The following LRTM3 variants were observed in gnomAD, a reference collection of about 807,000 sequenced individuals.
LRTM3 encodes leucine rich repeat transmembrane protein 3.
chr13:102,737,544 C>A, the LRTM3 span: 47 of 1,550,678 alleles, frequency 3.0e-5, no homozygotes, highest in East Asian at 1.1e-3. Flanking sequence ...TTCCCTTGCT[C>A]CTGGCCTTCT....
chr13:102,738,030 G>A, the LRTM3 span: 1 of 1,549,970 alleles, frequency 6.5e-7, no homozygotes, highest in Non-Finnish European at 8.7e-7. Flanking sequence ...ACCTTTTCTT[G>A]TCCTGCACCT....
the LRTM3 span, chr13:102,733,310 A>G: frequency 6.4e-7 from 1 of 1,551,368 alleles, no homozygotes; most frequent in Non-Finnish European, 8.7e-7. Context: ...GGGAGAAAAC[A>G]TTTTGCTGAT....
the LRTM3 span, among the ~76,000 whole-genome samples, chr13:102,755,901 A>ATGTGTGTGTG: frequency 4.0e-5 from 4 of 98,840 alleles, no homozygotes; most frequent in Admixed American, 1.1e-4. Flanking sequence ...ACACATATAT[A>ATGTGTGTGTG]TGTGTGTGTG....
chr13:102,754,081 C>T, the LRTM3 span, among the ~76,000 whole-genome samples: 5 of 151,940 alleles, frequency 3.3e-5, no homozygotes, highest in Non-Finnish European at 5.9e-5. Flanking sequence ...TGGCATGCAC[C>T]TGTAGACCCA....
chr13:102,739,049 A>G, the LRTM3 span: 3 of 1,550,498 alleles, frequency 1.9e-6, no homozygotes, highest in South Asian at 2.4e-5. Context: ...TGATGATGAA[A>G]GACAGAATCT....
At chr13:102,734,101 G>A in the LRTM3 span, 1 of 1,551,402 alleles carries the variant, frequency 6.4e-7, no homozygotes, top group Non-Finnish European at 8.7e-7. Flanking sequence ...TCTCCAGTTT[G>A]TTAATATTCA....
the LRTM3 span, chr13:102,740,928 G>A: frequency 6.5e-7 from 1 of 1,549,974 alleles, no homozygotes; most frequent in South Asian, 1.2e-5. Flanking sequence ...TCTTGTGGAT[G>A]TTCTTTTCTT....
chr13:102,748,396 G>A, the LRTM3 span: 120 of 1,550,886 alleles, frequency 7.7e-5, no homozygotes, highest in South Asian at 4.8e-5. Flanking sequence ...TGAGCAAACC[G>A]ACATTTGACA....
At chr13:102,740,350 G>A in the LRTM3 span, 5 of 1,550,020 alleles carry the variant, frequency 3.2e-6, no homozygotes, top group Non-Finnish European at 4.4e-6. Flanking sequence ...TAGTTATAGT[G>A]CTTAGCTGAT....
chr13:102,746,676 G>A, the LRTM3 span: 1 of 1,551,184 alleles, frequency 6.4e-7, no homozygotes, highest in Non-Finnish European at 8.7e-7. Flanking sequence ...GATAAAACAG[G>A]AGTGCAATAA....
At chr13:102,729,523 C>T in the LRTM3 span, 2 of 1,489,264 alleles carry the variant, frequency 1.3e-6, no homozygotes, top group Non-Finnish European at 1.8e-6. Context: ...TCCATATATT[C>T]CAAGAACTTG....
the LRTM3 span, chr13:102,734,687 A>G: frequency 1.3e-6 from 2 of 1,551,142 alleles, no homozygotes; most frequent in Non-Finnish European, 1.7e-6. Context: ...TATGTGTGAT[A>G]TTCTCCGCAA....
At chr13:102,754,073 G>T in the LRTM3 span, among the ~76,000 whole-genome samples, 1 of 151,968 alleles carries the variant, frequency 6.6e-6, no homozygotes, top group African/African-American at 2.4e-5. Context: ...GGGCATGGTG[G>T]CATGCACCTG....
chr13:102,742,545 C>A, the LRTM3 span: 1 of 1,550,578 alleles, frequency 6.4e-7, no homozygotes, highest in East Asian at 2.4e-5. Flanking sequence ...GGATTAAACT[C>A]TTCTGCAACA....
the LRTM3 span, chr13:102,744,271 A>G: frequency 6.4e-7 from 1 of 1,550,618 alleles, no homozygotes. Flanking sequence ...ACTCTAATGT[A>G]TAGCTCCGGC....
chr13:102,736,938 CT>C, the LRTM3 span: 2 of 1,551,122 alleles, frequency 1.3e-6, no homozygotes, highest in Non-Finnish European at 1.7e-6. Flanking sequence ...CCTTGTTCCT[CT>C]TTTTTGCCTG....
the LRTM3 span, among the ~76,000 whole-genome samples, chr13:102,753,252 C>T: frequency 1.9e-4 from 29 of 152,166 alleles, no homozygotes; most frequent in African/African-American, 6.7e-4. Context: ...GTTCTCACTC[C>T]TAAGTGGGAG....
the LRTM3 span, among the ~76,000 whole-genome samples, chr13:102,755,957 ATATATT>A: frequency 6.5e-3 from 300 of 45,842 alleles, 1 homozygote; most frequent in East Asian, 8.4e-3. Flanking sequence ...ATATATATAT[ATATATT>A]TTTTTTTTTT....
chr13:102,745,564 C>A, the LRTM3 span: 1 of 1,550,984 alleles, frequency 6.4e-7, no homozygotes, highest in Non-Finnish European at 8.7e-7. Flanking sequence ...GCTTCTTTGC[C>A]TTTATAATTC....
Sources: gnomAD v4.1 joint callset for allele counts (sites outside exome capture counted in the v4.1 genomes callset) on GRCh38, gnomAD v4.1.1 for gene constraint, MANE v1.5 for transcripts, NCBI Gene and HGNC (gene_info 2026-07-23, HGNC 2026-07-21) for gene names.